DLGAP2: variants seen among roughly 807,000 people sequenced by gnomAD.
DLGAP2 encodes the protein disks large-associated protein 2.
DLGAP2 carries 26 observed loss-of-function variants against 100.3 expected under a neutral mutation model. The observed-to-expected ratio is 0.26, with a 90% CI of 0.19 to 0.36. The LOEUF is 0.36. Ranked by LOEUF, DLGAP2 falls within the 10% of genes least tolerant of loss-of-function variation. The pLI, the probability that DLGAP2 is intolerant of heterozygous loss-of-function variation, is 1.00. For missense variants in DLGAP2, 1,858 were observed against 1,453.2 expected, an observed-to-expected ratio of 1.28 and a Z score of -4.53; for synonymous variants, 886 against 630.1, an observed-to-expected ratio of 1.41 and a Z score of -6.08.
intron 2 of DLGAP2, among the ~76,000 whole-genome samples, chr8:1,109,204 A>G (rs112312630): frequency 1.6e-4 from 2 of 12,572 alleles, no homozygotes; most frequent in Non-Finnish European, 2.6e-4. Flanking sequence ...GCACGTGCCT[A>G]TGAAGTGTGC....
chr8:1,490,331 G>T (rs1799344299), intron 3 of DLGAP2, among the ~76,000 whole-genome samples: 1 of 152,236 alleles, frequency 6.6e-6, no homozygotes, highest in Non-Finnish European at 1.5e-5. Flanking sequence ...GGTTGAAAAG[G>T]CGCCTGTGGA....
chr8:1,357,196 GGGTGCTCA>G (rs1288249660), intron 3 of DLGAP2, among the ~76,000 whole-genome samples: 1 of 152,108 alleles, frequency 6.6e-6, no homozygotes, highest in Non-Finnish European at 1.5e-5. Context: ...TCAGTCGCAA[GGGTGCTCA>G]GGTGGCCTTG....
intron 3 of DLGAP2, among the ~76,000 whole-genome samples, chr8:1,317,505 T>G (rs376234520): frequency 3.1e-5 from 2 of 65,296 alleles, no homozygotes; most frequent in South Asian, 5.5e-4. Flanking sequence ...TCGAGACACT[T>G]GGCAGCGTTT....
chr8:1,184,990 GGA>G (rs1192263676), intron 2 of DLGAP2, among the ~76,000 whole-genome samples: 4 of 152,162 alleles, frequency 2.6e-5, no homozygotes. Context: ...CTTTAGAGCA[GGA>G]GTGTGGGGAG....
At chr8:816,050 A>G (rs368665862) in intron 1 of DLGAP2, among the ~76,000 whole-genome samples, 1 of 152,078 alleles carries the variant, frequency 6.6e-6, no homozygotes, top group African/African-American at 2.4e-5. Flanking sequence ...TTTGATGTCC[A>G]TTTGCATGGA....
chr8:936,395 G>A (rs865777890), intron 2 of DLGAP2, among the ~76,000 whole-genome samples: 23 of 152,198 alleles, frequency 1.5e-4, no homozygotes, highest in Non-Finnish European at 2.6e-4. Flanking sequence ...ACCTCTGATT[G>A]CATTGCCTCC....
intron 6 of DLGAP2, among the ~76,000 whole-genome samples, chr8:1,567,341 G>T (rs924314077): frequency 1.3e-5 from 2 of 152,232 alleles, no homozygotes; most frequent in African/African-American, 2.4e-5. Flanking sequence ...GCTATGCTTC[G>T]TGGGTCCAGG....
At chr8:1,656,193 C>T (rs753576447) in intron 8 of DLGAP2, among the ~76,000 whole-genome samples, 16 of 152,136 alleles carry the variant, frequency 1.1e-4, no homozygotes, top group South Asian at 2.1e-4. Context: ...CGTGGTACCG[C>T]GTGCTACTTG....
intron 2 of DLGAP2, among the ~76,000 whole-genome samples, chr8:1,227,175 G>T (rs199712583): frequency 0.14 from 8,480 of 61,392 alleles, 802 homozygotes; most frequent in South Asian, 0.2. Context: ...TATATATATA[G>T]TATAGATATA....
chr8:1,088,009 C>T (rs756517570), intron 2 of DLGAP2, among the ~76,000 whole-genome samples: 13 of 152,226 alleles, frequency 8.5e-5, no homozygotes, highest in East Asian at 3.9e-4. Context: ...CACTTCACTG[C>T]GTCACAGCTC....
chr8:1,705,470 C>A lies in DLGAP2; in HGVS notation c.*4064C>A, dbSNP rs771601310. ...CCACCCTTGATGACAGGGCCCCCCA[C>A]GAACCTGGGAAAGGCAGCGGGAAAT... On this transcript the variant is annotated 3_prime_UTR_variant, in exon 15 of 15. Coordinates refer to ENST00000637795, the MANE Select transcript of DLGAP2 (RefSeq NM_001346810.2). The A allele has an allele frequency of 1.3e-5, 2 of 152,304 alleles. No homozygotes were observed. Among genetic ancestry groups the A allele is most frequent in the Non-Finnish European group, 2.9e-5 (2 of 68,110 alleles). The allele number at this position is 152,304 out of a possible 1,614,324, so 9.4% of individuals were successfully genotyped here.
At chr8:1,078,070 G>T (rs550691182) in intron 2 of DLGAP2, among the ~76,000 whole-genome samples, 58 of 152,232 alleles carry the variant, frequency 3.8e-4, no homozygotes, top group Non-Finnish European at 6.9e-4. Flanking sequence ...CCCGGTGAGG[G>T]TTACCTTCTG....
intron 2 of DLGAP2, among the ~76,000 whole-genome samples, chr8:1,233,058 C>A (rs985966767): frequency 5.3e-5 from 8 of 152,170 alleles, no homozygotes; most frequent in African/African-American, 1.4e-4. Context: ...CTGGTTTCTT[C>A]CACTTAGCAC....
intron 2 of DLGAP2, among the ~76,000 whole-genome samples, chr8:1,187,807 C>T: frequency 7.6e-6 from 1 of 131,442 alleles, no homozygotes; most frequent in Non-Finnish European, 1.5e-5. Context: ...CATGGAATCT[C>T]ACACGCCCGG....
At chr8:1,631,621 G>C (rs942837405) in intron 7 of DLGAP2, among the ~76,000 whole-genome samples, 2 of 152,136 alleles carry the variant, frequency 1.3e-5, no homozygotes, top group Non-Finnish European at 2.9e-5. Context: ...TCTGAAAAAG[G>C]CCACCCCGCC....
At chr8:1,183,129 G>C (rs1398093025) in intron 2 of DLGAP2, among the ~76,000 whole-genome samples, 1 of 152,078 alleles carries the variant, frequency 6.6e-6, no homozygotes, top group African/African-American at 2.4e-5. Flanking sequence ...GAGATGCCTT[G>C]TGGGTGGGGC....
At chr8:1,383,693 C>G (rs960369599) in intron 3 of DLGAP2, among the ~76,000 whole-genome samples, 6 of 152,210 alleles carry the variant, frequency 3.9e-5, no homozygotes, top group African/African-American at 1.2e-4. Context: ...GGCTGAGGCT[C>G]TTCTCTGTAA....
intron 2 of DLGAP2, among the ~76,000 whole-genome samples, chr8:948,627 C>A (rs112630443): frequency 0.022 from 3,365 of 152,344 alleles, 72 homozygotes; most frequent in Non-Finnish European, 0.028. Flanking sequence ...GAAGGCGAGG[C>A]TGCGTTCTCA....
intron 3 of DLGAP2, among the ~76,000 whole-genome samples, chr8:1,366,447 G>T (rs527807684): frequency 1.3e-5 from 2 of 152,206 alleles, no homozygotes; most frequent in Non-Finnish European, 1.5e-5. Context: ...AAGAACAGAC[G>T]TGGGTCCCCA....
Sources: gnomAD v4.1 joint callset for allele counts (sites outside exome capture counted in the v4.1 genomes callset) on GRCh38, gnomAD v4.1.1 for gene constraint, MANE v1.5 for transcripts, NCBI Gene and HGNC (gene_info 2026-07-23, HGNC 2026-07-21) for gene names.